KAZN: variants seen among roughly 807,000 people sequenced by gnomAD.
KAZN encodes the protein kazrin.
KAZN carries 40 observed loss-of-function variants against 87.4 expected under a neutral mutation model. The ratio of observed to expected loss-of-function variants is 0.46; its 90% CI spans 0.36 to 0.60. The LOEUF is 0.60. Ranked by LOEUF, KAZN falls within the 20% of genes least tolerant of loss-of-function variation. The probability of loss-of-function intolerance (pLI) is 0.00; values close to 1 mark genes in which losing one functional copy is unlikely to be tolerated. For synonymous variants in KAZN, 466 were observed against 458.3 expected (o/e 1.02, Z -0.22); for missense variants, 898 against 1,073.9 (o/e 0.84, Z 2.29).
At chr1:14,902,115 C>T (rs557386380) in intron 1 of KAZN, among the ~76,000 whole-genome samples, 5 of 152,284 alleles carry the variant, frequency 3.3e-5, no homozygotes, top group African/African-American at 1.2e-4. Flanking sequence ...GTTCCGTGCA[C>T]GCACTTGAAA....
At chr1:15,011,007 A>G (rs1390661279) in intron 2 of KAZN, among the ~76,000 whole-genome samples, 1 of 152,224 alleles carries the variant, frequency 6.6e-6, no homozygotes, top group Non-Finnish European at 1.5e-5. Context: ...ATTGAGTTTC[A>G]TGCTTAAATA....
intron 2 of KAZN, among the ~76,000 whole-genome samples, chr1:15,019,016 C>G (rs1039627122): frequency 1.3e-5 from 2 of 152,212 alleles, no homozygotes; most frequent in African/African-American, 4.8e-5. Flanking sequence ...GGAGGCTGAG[C>G]AGGACCTGAA....
chr1:14,989,216 C>CT (rs1394591490), intron 2 of KAZN, among the ~76,000 whole-genome samples: 3 of 152,210 alleles, frequency 2.0e-5, no homozygotes, highest in African/African-American at 7.2e-5. Flanking sequence ...TGGCTCACGC[C>CT]TGTAATCCCA....
chr1:14,744,955 CAGCTGACCCAGAACCGCCTG>C (rs1202546878), intron 1 of KAZN, among the ~76,000 whole-genome samples: 3 of 152,184 alleles, frequency 2.0e-5, no homozygotes. Flanking sequence ...AGTGATCCTG[CAGCTGACCCAGAACCGCCTG>C]AGCCTGGAGC....
chr1:14,563,874 C>CTTTGTTTTTTTTTTTTTTTT (rs1674393570), intron 2 of KAZN, among the ~76,000 whole-genome samples: 1 of 97,928 alleles, frequency 1.0e-5, no homozygotes, highest in Non-Finnish European at 2.0e-5. Flanking sequence ...GTTCAAACTC[C>CTTTGTTTTTTTTTTTTTTTT]TTTTTTTTTT....
intron 1 of KAZN, among the ~76,000 whole-genome samples, chr1:14,755,337 T>C (rs1320918532): frequency 6.6e-6 from 1 of 152,152 alleles, no homozygotes; most frequent in Non-Finnish European, 1.5e-5. Flanking sequence ...CTCCCTGCCC[T>C]TTGCTGCCCC....
At chr1:14,851,697 G>T (rs565850506) in intron 1 of KAZN, among the ~76,000 whole-genome samples, 75 of 152,232 alleles carry the variant, frequency 4.9e-4, no homozygotes, top group Non-Finnish European at 1.0e-3. Context: ...AGTCTTCTCA[G>T]CCATGAAGTG....
intron 2 of KAZN, among the ~76,000 whole-genome samples, chr1:14,209,106 G>A (rs1290424225): frequency 6.6e-6 from 1 of 152,200 alleles, no homozygotes; most frequent in African/African-American, 2.4e-5. Flanking sequence ...GGGAGGTCAA[G>A]CAAAGGAAAA....
chr1:15,036,974 C>T (rs1289270375), intron 3 of KAZN, among the ~76,000 whole-genome samples: 1 of 152,170 alleles, frequency 6.6e-6, no homozygotes, highest in African/African-American at 2.4e-5. Flanking sequence ...AGGGCAGGGG[C>T]TTACAGGGCC....
intron 2 of KAZN, among the ~76,000 whole-genome samples, chr1:14,456,729 A>G (rs879827759): frequency 2.0e-5 from 3 of 152,176 alleles, no homozygotes; most frequent in Non-Finnish European, 4.4e-5. Flanking sequence ...ACCCTTTCAT[A>G]GGGGTATGTT....
chr1:14,176,409 T>C (rs1304681742), intron 1 of KAZN, among the ~76,000 whole-genome samples: 3 of 152,142 alleles, frequency 2.0e-5, no homozygotes, highest in African/African-American at 7.2e-5. Context: ...AGGGTCACCA[T>C]TTCCACCCCA....
intron 1 of KAZN, among the ~76,000 whole-genome samples, chr1:13,972,850 G>A (rs1011736610): frequency 6.6e-6 from 1 of 152,154 alleles, no homozygotes; most frequent in African/African-American, 2.4e-5. Context: ...TTTTGACTAA[G>A]GACTCCCACC....
intron 1 of KAZN, among the ~76,000 whole-genome samples, chr1:14,869,687 G>C (rs1651929760): frequency 6.6e-6 from 1 of 152,190 alleles, no homozygotes; most frequent in South Asian, 2.1e-4. Flanking sequence ...CTCGTCTCTT[G>C]CTAATCAATA....
At chr1:14,782,837 C>G (rs557675885) in intron 1 of KAZN, among the ~76,000 whole-genome samples, 10 of 152,208 alleles carry the variant, frequency 6.6e-5, no homozygotes, top group African/African-American at 2.4e-4. Context: ...CCCCCAACCT[C>G]GCTGCAAATG....
intron 1 of KAZN, among the ~76,000 whole-genome samples, chr1:14,671,640 C>T (rs1168489738): frequency 2.0e-5 from 3 of 148,842 alleles, no homozygotes. Context: ...AGGGCCCATC[C>T]TTTTTTTTTT....
Position 14,528,337 on chromosome 1 carries a change from C to CAAAAAAAAAAAA in KAZN, c.250-70633_250-70622dup, listed in dbSNP as rs33960231. Among the ~76,000 whole-genome samples the CAAAAAAAAAAAA allele has an allele frequency of 2.4e-3, 116 of 49,178 alleles. 1 individual carries two copies. The highest frequency in any genetic ancestry group is 3.8e-3 in the East Asian group (5 of 1,310). 32.3% of individuals were successfully genotyped at this position (49,178 alleles called of 152,430 possible). A position where few individuals can be genotyped will look rare whatever the true frequency, so the allele number is the denominator to read the frequency against. ...TGGGTGACAGAGCAAGACTCCATCT[C>CAAAAAAAAAAAA]AAAAAAAAAAAAAAAAAAAAAAAAG... On this transcript the variant is annotated intron_variant, in intron 2 of 16. Transcript: ENST00000636203.
At chr1:14,038,905 C>G (rs771303469) in intron 1 of KAZN, among the ~76,000 whole-genome samples, 1 of 152,164 alleles carries the variant, frequency 6.6e-6, no homozygotes, top group Non-Finnish European at 1.5e-5. Flanking sequence ...GTGGCTCATG[C>G]CTGTAATCCC....
intron 1 of KAZN, among the ~76,000 whole-genome samples, chr1:14,069,646 T>C (rs1035822208): frequency 6.6e-6 from 1 of 152,244 alleles, no homozygotes; most frequent in African/African-American, 2.4e-5. Flanking sequence ...CCTCATATTT[T>C]CAGCTTAGCG....
chr1:14,288,312 A>G (rs1653417428), intron 2 of KAZN, among the ~76,000 whole-genome samples: 1 of 151,998 alleles, frequency 6.6e-6, no homozygotes, highest in African/African-American at 2.4e-5. Flanking sequence ...CTGGTCCTGG[A>G]CTTTTTTTGG....
Sources: gnomAD v4.1 joint callset for allele counts (sites outside exome capture counted in the v4.1 genomes callset) on GRCh38, gnomAD v4.1.1 for gene constraint, MANE v1.5 for transcripts, NCBI Gene and HGNC (gene_info 2026-07-23, HGNC 2026-07-21) for gene names.